Variants in PDE4D observed in about 807,000 individuals in gnomAD.
PDE4D encodes 3',5'-cyclic-AMP phosphodiesterase 4D.
Under a neutral mutation model 87.4 loss-of-function variants are expected in PDE4D, and 24 were observed. The observed-to-expected ratio is 0.27, with a 90% CI of 0.20 to 0.39. The LOEUF (loss-of-function observed/expected upper bound fraction) is 0.39. Among genes scored for constraint, PDE4D ranks in the 10% least tolerant of loss-of-function variants. The probability of loss-of-function intolerance (pLI) is 1.00; values close to 1 mark genes in which losing one functional copy is unlikely to be tolerated. For synonymous variants in PDE4D, 384 were observed against 383.2 expected (o/e 1.00, Z -0.02); for missense variants, 714 against 1,041.0 (o/e 0.69, Z 4.32).
chr5:59,662,831 CTATT>C (rs551613827), intron 1 of PDE4D, among the ~76,000 whole-genome samples: 213 of 152,180 alleles, frequency 1.4e-3, no homozygotes, highest in African/African-American at 5.0e-3. Context: ...TTTACTTCTG[CTATT>C]TATTATTAAT....
intron 1 of PDE4D, among the ~76,000 whole-genome samples, chr5:59,252,600 C>T (rs1487797188): frequency 1.3e-5 from 2 of 152,084 alleles, no homozygotes; most frequent in African/African-American, 4.8e-5. Flanking sequence ...CAGCTCACTG[C>T]AGCCTTGACC....
chr5:60,499,501 C>G (rs1388538507), intron 1 of PDE4D, among the ~76,000 whole-genome samples: 1 of 152,160 alleles, frequency 6.6e-6, no homozygotes, highest in Admixed American at 6.5e-5. Flanking sequence ...ACTGACTCCC[C>G]TCAGCTTTCT....
At chr5:59,583,818 G>C (rs539943972) in intron 1 of PDE4D, among the ~76,000 whole-genome samples, 1 of 152,278 alleles carries the variant, frequency 6.6e-6, no homozygotes, top group South Asian at 2.1e-4. Flanking sequence ...TAGACCTCCT[G>C]TGTCTCAGCT....
At chr5:60,021,566 G>T (rs559577603) in intron 2 of PDE4D, among the ~76,000 whole-genome samples, 6 of 152,264 alleles carry the variant, frequency 3.9e-5, no homozygotes, top group Admixed American at 2.6e-4. Context: ...GTCAATGCAG[G>T]AAAATGACAC....
intron 2 of PDE4D, among the ~76,000 whole-genome samples, chr5:59,195,369 C>T (rs1472212835): frequency 6.6e-6 from 1 of 152,062 alleles, no homozygotes; most frequent in Non-Finnish European, 1.5e-5. Context: ...GGCAAGGAGG[C>T]CATTGAGCCC....
chr5:60,271,092 A>C (rs1242400615), intron 1 of PDE4D, among the ~76,000 whole-genome samples: 1 of 152,182 alleles, frequency 6.6e-6, no homozygotes, highest in Non-Finnish European at 1.5e-5. Context: ...TAAAGCTATT[A>C]CATATGTATT....
At chr5:59,806,657 A>G (rs1486901932) in intron 1 of PDE4D, among the ~76,000 whole-genome samples, 1 of 152,260 alleles carries the variant, frequency 6.6e-6, no homozygotes, top group African/African-American at 2.4e-5. Context: ...AGCATGAGAA[A>G]GATGACTATT....
chr5:59,756,366 A>T (rs115614976), intron 1 of PDE4D, among the ~76,000 whole-genome samples: 1 of 152,192 alleles, frequency 6.6e-6, no homozygotes, highest in African/African-American at 2.4e-5. Context: ...GAAATATAAC[A>T]GGCATAAATA....
chr5:59,956,490 A>C (rs898198259), intron 3 of PDE4D, among the ~76,000 whole-genome samples: 28 of 152,204 alleles, frequency 1.8e-4, no homozygotes, highest in African/African-American at 6.5e-4. Flanking sequence ...AAAAGCAAGA[A>C]ATAGTATGGG....
chr5:59,221,029 T>C (rs1177419976), intron 1 of PDE4D, among the ~76,000 whole-genome samples: 2 of 152,140 alleles, frequency 1.3e-5, no homozygotes, highest in Non-Finnish European at 2.9e-5. Context: ...TTTGCATATA[T>C]TATCTCATTT....
chr5:59,985,130 TGTTTTTTGTTTTTTG>T (rs1211842005), intron 3 of PDE4D, among the ~76,000 whole-genome samples: 5 of 109,068 alleles, frequency 4.6e-5, no homozygotes, highest in Admixed American at 9.8e-5. Flanking sequence ...TTTCGTTTTT[TGTTTTTTGTTTTTTG>T]TTTTTTATTT....
chr5:59,969,839 T>C (rs577164150), intron 3 of PDE4D, among the ~76,000 whole-genome samples: 19 of 152,280 alleles, frequency 1.2e-4, no homozygotes, highest in Admixed American at 3.9e-4. Flanking sequence ...TCCCCAGCCA[T>C]GCTGAACTGT....
chr5:59,023,901 C>CTT (rs200528506), intron 6 of PDE4D, among the ~76,000 whole-genome samples: 47 of 133,254 alleles, frequency 3.5e-4, no homozygotes, highest in East Asian at 8.5e-4. Context: ...ATGAATTCTA[C>CTT]TTTTTTTTTT....
intron 3 of PDE4D, among the ~76,000 whole-genome samples, chr5:59,952,306 A>C (rs1184693848): frequency 6.6e-6 from 1 of 152,128 alleles, no homozygotes; most frequent in African/African-American, 2.4e-5. Flanking sequence ...TCTTTATAGC[A>C]GTGTGAAAAC....
intron 2 of PDE4D, among the ~76,000 whole-genome samples, chr5:60,096,773 T>C (rs552982574): frequency 6.6e-6 from 1 of 152,200 alleles, no homozygotes; most frequent in Non-Finnish European, 1.5e-5. Context: ...TTATGATGTT[T>C]CCAGGGGGCA....
chr5:59,935,084 G>C (rs999209360), intron 3 of PDE4D, among the ~76,000 whole-genome samples: 1 of 152,146 alleles, frequency 6.6e-6, no homozygotes, highest in Non-Finnish European at 1.5e-5. Flanking sequence ...TTTTTGACAT[G>C]TTGAGTTTAA....
At chr5:60,378,817 C>T (rs992182090) in intron 1 of PDE4D, among the ~76,000 whole-genome samples, 3 of 151,998 alleles carry the variant, frequency 2.0e-5, no homozygotes, top group African/African-American at 4.8e-5. Flanking sequence ...AGCACCACTG[C>T]ACTCCAGCCT....
At chr5:60,349,718 T>C (rs1038752946) in intron 1 of PDE4D, among the ~76,000 whole-genome samples, 2 of 152,192 alleles carry the variant, frequency 1.3e-5, no homozygotes, top group African/African-American at 4.8e-5. Context: ...TGATAGACCC[T>C]GATTTTTTTT....
intron 1 of PDE4D, among the ~76,000 whole-genome samples, chr5:60,206,703 C>A: frequency 6.6e-6 from 1 of 152,234 alleles, no homozygotes; most frequent in East Asian, 1.9e-4. Context: ...ATTTTACTAT[C>A]TATCCTAAAA....
Sources: gnomAD v4.1 joint callset for allele counts (sites outside exome capture counted in the v4.1 genomes callset) on GRCh38, gnomAD v4.1.1 for gene constraint, MANE v1.5 for transcripts, NCBI Gene and HGNC (gene_info 2026-07-23, HGNC 2026-07-21) for gene names.